Variants in ASB2 observed in about 807,000 individuals in gnomAD.
The protein encoded by ASB2 is ankyrin repeat and SOCS box containing 2, also known as ankyrin repeat and SOCS box protein 2.
A neutral mutation model predicts 62.4 loss-of-function variants in ASB2; 58 were observed. That is an observed-to-expected ratio of 0.93 (90% CI 0.75 to 1.16). ASB2 has a LOEUF of 1.16. Ranked by LOEUF, ASB2 falls within the 50% of genes most tolerant of loss-of-function variation. The pLI, the probability that ASB2 is intolerant of heterozygous loss-of-function variation, is 0.00. For synonymous variants in ASB2, 386 were observed against 385.3 expected, an observed-to-expected ratio of 1.00 and a Z score of -0.02; for missense variants, 928 against 887.9, an observed-to-expected ratio of 1.05 and a Z score of -0.57.
Position 93,939,211 on chromosome 14 carries a change from CA to C in ASB2, c.1513del (p.Cys505AlafsTer45). 1 of 1,607,086 alleles carries C rather than the reference CA, an allele frequency of 6.2e-7. No individual in the cohort carries two copies. Among genetic ancestry groups the C allele is most frequent in the South Asian group, 1.1e-5 (1 of 90,886 alleles). On this transcript the variant is annotated frameshift_variant, in exon 8 of 10. Coordinates refer to ENST00000555019, the MANE Select transcript of ASB2 (RefSeq NM_001202429.2). LOFTEE classifies it high-confidence loss of function. ...LMDLGCDGEPCFSCLYGNGPH... is the reference protein window; with the variant it reads ...LMDLGCDGEPXFSCLYGNGPH... ...GCCGTTGCCGTAGAGGCATGAGAAG[CA>C]GGGCTCGCCGTCGCAGCCCAGGTCC...
chr14:93,976,035 C>T (rs909902289), intron 1 of ASB2, among the ~76,000 whole-genome samples: 1 of 152,236 alleles, frequency 6.6e-6, no homozygotes, highest in Admixed American at 6.5e-5. Context: ...TAAATTAACT[C>T]CCACTCATGA....
intron 4 of ASB2, among the ~76,000 whole-genome samples, 174 bp from the exon 5 acceptor site, chr14:93,953,681 C>T (rs1422565479): frequency 6.6e-6 from 1 of 152,238 alleles, no homozygotes. Flanking sequence ...GCTTCCTGGT[C>T]GTACACGTCC....
At chr14:93,957,222 C>A (rs138445914) in intron 2 of ASB2, 3 of 1,245,562 alleles carry the variant, frequency 2.4e-6, no homozygotes, top group African/African-American at 3.1e-5. Flanking sequence ...GAGCCGTGGT[C>A]GGCAGGTCCC....
At chr14:93,939,080 C>T in intron 8 of ASB2, 28 bp downstream of exon 8, 1 of 1,431,668 alleles carries the variant, frequency 7.0e-7, no homozygotes, top group African/African-American at 1.5e-5. Context: ...AAAAGGCGTG[C>T]TCCCCACCGC....
At chr14:93,951,358 A>C (rs1888964335) in intron 5 of ASB2, 114 bp from the exon 6 acceptor site, 5 of 1,274,138 alleles carry the variant, frequency 3.9e-6, no homozygotes, top group Middle Eastern at 2.8e-4. Context: ...TTTCCACTGC[A>C]TGTGTATTAA....
intron 7 of ASB2, 113 bp from the exon 8 acceptor site, chr14:93,939,785 G>T: frequency 2.3e-6 from 2 of 863,340 alleles, no homozygotes; most frequent in Non-Finnish European, 3.2e-6. Flanking sequence ...CGCCCTGACC[G>T]CGGGCTGCGA....
intron 7 of ASB2, 135 bp from the exon 8 acceptor site, chr14:93,939,807 C>T: frequency 1.5e-6 from 1 of 668,266 alleles, no homozygotes. Flanking sequence ...GCGGATCCCA[C>T]CGGCAGGGGG....
At chr14:93,937,297 C>T (rs1445577198) in intron 9 of ASB2, among the ~76,000 whole-genome samples, 1 of 152,176 alleles carries the variant, frequency 6.6e-6, no homozygotes, top group Non-Finnish European at 1.5e-5. Flanking sequence ...TCAGGTGCTT[C>T]ATGTGCACTT....
intron 9 of ASB2, among the ~76,000 whole-genome samples, chr14:93,935,050 C>T (rs560227462): frequency 3.3e-5 from 5 of 152,290 alleles, no homozygotes; most frequent in South Asian, 2.1e-4. Context: ...GTGCGGAAAC[C>T]GAGGCTTAGC....
chr14:93,950,527 A>G (rs528507288), intron 6 of ASB2, among the ~76,000 whole-genome samples: 3 of 152,330 alleles, frequency 2.0e-5, no homozygotes, highest in East Asian at 1.9e-4. Context: ...TTCATCACCC[A>G]TAAAAGGGGG....
chr14:93,965,754 C>A (rs1174122689), intron 1 of ASB2, among the ~76,000 whole-genome samples: 1 of 152,266 alleles, frequency 6.6e-6, no homozygotes, highest in African/African-American at 2.4e-5. Flanking sequence ...CCCCACCCTT[C>A]CCTGTTGATA....
chr14:93,970,693 AT>A (rs1889733694), intron 1 of ASB2, among the ~76,000 whole-genome samples: 1 of 152,124 alleles, frequency 6.6e-6, no homozygotes, highest in African/African-American at 2.4e-5. Flanking sequence ...CACAGCTGTT[AT>A]GGAGAAGTTT....
rs1217525222 is a variant in ASB2, at chr14:93,934,698, T to C, written c.1866A>G (p.Pro622=). 1 of 1,614,162 alleles carries C rather than the reference T, an allele frequency of 6.2e-7. No individual in the cohort carries two copies. The highest frequency in any genetic ancestry group is 8.5e-7 in the Non-Finnish European group (1 of 1,179,992). The part of the protein sequence containing the change: ...RIKLLDTLPL[P]GRLIRYLKYE... ...ATTTCAGGTATCTAATCAGCCTGCC[T>C]GGGAGCGGCAAGGTGTCTAGGAGTT... The change falls in exon 10 of 10, where the codon CCA becomes CCG. Residue 622 remains proline, a synonymous_variant. Coordinates refer to ENST00000555019, the MANE Select transcript of ASB2 (RefSeq NM_001202429.2).
intron 2 of ASB2, among the ~76,000 whole-genome samples, chr14:93,961,193 C>G (rs1409530477): frequency 6.6e-6 from 1 of 152,144 alleles, no homozygotes; most frequent in Non-Finnish European, 1.5e-5. Context: ...ATCTTATTTG[C>G]TTTTCACAGG....
chr14:93,937,269 G>C (rs934314951), intron 9 of ASB2, among the ~76,000 whole-genome samples: 2 of 152,168 alleles, frequency 1.3e-5, no homozygotes, highest in Admixed American at 6.5e-5. Context: ...ATCAGAAGCT[G>C]CATTTTTAAC....
intron 1 of ASB2, among the ~76,000 whole-genome samples, chr14:93,969,253 G>A (rs954666852): frequency 1.3e-5 from 2 of 152,202 alleles, no homozygotes; most frequent in Admixed American, 6.5e-5. Flanking sequence ...GGTGACAGCT[G>A]TCAGGGATGC....
At chr14:93,961,193 CTT>C (rs1889398914) in intron 2 of ASB2, among the ~76,000 whole-genome samples, 1 of 152,144 alleles carries the variant, frequency 6.6e-6, no homozygotes, top group Admixed American at 6.5e-5. Flanking sequence ...ATCTTATTTG[CTT>C]TTCACAGGAA....
chr14:93,944,229 C>T (rs1888639809), intron 7 of ASB2: 2 of 289,250 alleles, frequency 6.9e-6, no homozygotes, highest in African/African-American at 4.4e-5. Context: ...GGCATCTGCT[C>T]TGCGCTAACT....
chr14:93,954,073 T>A, intron 4 of ASB2: 1 of 547,418 alleles, frequency 1.8e-6, no homozygotes, highest in Non-Finnish European at 3.2e-6. Context: ...AAGTCAGCCC[T>A]CCCTCATTCC....
Sources: gnomAD v4.1 joint callset for allele counts (sites outside exome capture counted in the v4.1 genomes callset) on GRCh38, gnomAD v4.1.1 for gene constraint, MANE v1.5 for transcripts, NCBI Gene and HGNC (gene_info 2026-07-23, HGNC 2026-07-21) for gene names.